Variants in SIGLEC1 observed in about 807,000 individuals in gnomAD.
SIGLEC1 encodes the protein sialic acid binding Ig like lectin 1, also known as sialoadhesin.
A neutral mutation model predicts 148.0 loss-of-function variants in SIGLEC1; 132 were observed. The observed-to-expected ratio is 0.89, with a 90% CI of 0.77 to 1.03. The LOEUF is 1.03. SIGLEC1 is among the 50% of genes least tolerant of loss of function. SIGLEC1 has a pLI of 0.00. For missense variants in SIGLEC1, 2,253 were observed against 2,271.4 expected (o/e 0.99, Z 0.16); for synonymous variants, 945 against 969.0 (o/e 0.98, Z 0.46).
At chr20:3,701,183 C>T (rs547668746) in intron 7 of SIGLEC1, among the ~76,000 whole-genome samples, 159 bp downstream of exon 7, 2 of 152,354 alleles carry the variant, frequency 1.3e-5, no homozygotes, top group South Asian at 2.1e-4. Context: ...TTCCAGGAAG[C>T]TCTGCCGTTG....
chr20:3,693,433 C>G lies in SIGLEC1; in HGVS notation c.3508+14G>C. On this transcript the variant is annotated intron_variant, in intron 14 of 21. Transcript: ENST00000344754. Reference sequence around the variant, plus strand: ...CATTCCTGTGAGTCCCACCCTGCATCCAGCCAGACTCACAGAGGACGTCCA... The same window carrying G: ...CATTCCTGTGAGTCCCACCCTGCATGCAGCCAGACTCACAGAGGACGTCCA... 1 of 1,551,864 alleles carries G rather than the reference C, an allele frequency of 6.4e-7. No individual in the cohort carries two copies. Among genetic ancestry groups the G allele is most frequent in the Non-Finnish European group, 8.7e-7 (1 of 1,145,676 alleles).
chr20:3,696,647 G>A lies in SIGLEC1; in HGVS notation c.2622C>T (p.Tyr874=). The A allele has an allele frequency of 6.2e-7, 1 of 1,613,826 alleles. No individual in the cohort carries two copies. The highest frequency in any genetic ancestry group is 8.5e-7 in the Non-Finnish European group (1 of 1,180,008). Residue 874 remains tyrosine, a synonymous_variant, in exon 11 of 22, where the codon TAC becomes TAT. Coordinates refer to ENST00000344754, the MANE Select transcript of SIGLEC1 (RefSeq NM_023068.4). The part of the protein sequence containing the change: ...RELGLGDSGS[Y]RCEATNVLGS... ...CAAGAACATTTGTGGCCTCACAGCGGTAGCTGCCAGAGTCCCCAAGGCCCA... is the reference window on the plus strand; with the variant it reads ...CAAGAACATTTGTGGCCTCACAGCGATAGCTGCCAGAGTCCCCAAGGCCCA...
At chr20:3,706,306 G>A in intron 3 of SIGLEC1, 41 bp downstream of exon 3, 4 of 1,571,004 alleles carry the variant, frequency 2.5e-6, no homozygotes, top group Middle Eastern at 3.4e-4. Flanking sequence ...AGCAGCTTGG[G>A]AATCCCTCCC....
chr20:3,703,690 G>T, intron 5 of SIGLEC1, 135 bp downstream of exon 5: 1 of 1,248,172 alleles, frequency 8.0e-7, no homozygotes, highest in South Asian at 1.5e-5. Flanking sequence ...GGCAGGGCTG[G>T]GACTCCACAC....
chr20:3,702,174 G>A (rs1194503661), intron 6 of SIGLEC1, among the ~76,000 whole-genome samples: 2 of 152,148 alleles, frequency 1.3e-5, no homozygotes, highest in Non-Finnish European at 2.9e-5. Context: ...ATGAAGAGAC[G>A]CAACGACCCA....
intron 2 of SIGLEC1, 38 bp downstream of exon 2, chr20:3,707,042 G>A (rs772756720): frequency 3.1e-6 from 5 of 1,600,584 alleles, no homozygotes; most frequent in African/African-American, 2.7e-5. Context: ...TATGAAGGCT[G>A]GACCCTGGAA....
At position 3,690,177 on chromosome 20, in the gene SIGLEC1, G is replaced by C. The variant is rs537459135; in HGVS notation, c.4679C>G (p.Pro1560Arg). 12 of 1,576,934 alleles carry C rather than the reference G, an allele frequency of 7.6e-6. 1 individual carries two copies. The South Asian group carries it at 1.4e-4, about 18-fold the overall frequency. ...GILDCRVDSEPLASLTLHLGS... is the reference protein window; with the variant it reads ...GILDCRVDSERLASLTLHLGS... The stretch of plus-strand genomic sequence containing the variant: ...AAGGTGGAGAGTCAGGCTGGCGAGC[G>C]GCTCGCTGTCCACTCGGCAATCCAG... Residue 1560 changes from proline to arginine, a missense_variant, in exon 19 of 22, where the codon CCG becomes CGG. Pro to Arg is a moderately radical substitution (Grantham distance 103). Coordinates refer to ENST00000344754, the MANE Select transcript of SIGLEC1 (RefSeq NM_023068.4).
chr20:3,692,690 G>T lies in SIGLEC1; in HGVS notation c.3861C>A (p.His1287Gln), dbSNP rs61734523. The T allele has an allele frequency of 5.0e-6, 8 of 1,613,052 alleles. No individual in the cohort carries two copies. Among genetic ancestry groups the T allele is most frequent in the African/African-American group, 4.0e-5 (3 of 75,066 alleles). Reference sequence around the variant, plus strand: ...GGTACCAAGTATAGAGTGTGGGTGCGTGGGCAGCAGGGTCCGCACAGGTCA... The same window carrying T: ...GGTACCAAGTATAGAGTGTGGGTGCTTGGGCAGCAGGGTCCGCACAGGTCA... ...ITVTCADPAA[H>Q]APTLYTWYHN... Residue 1287 changes from histidine (H) to glutamine (Q), a missense_variant, in exon 16 of 22, where the codon CAC becomes CAA. Transcript: ENST00000344754.
At position 3,697,335 on chromosome 20, in the gene SIGLEC1, G is replaced by A. The variant is rs769586972; in HGVS notation, c.2130C>T (p.Val710=). ...GTGTGTGTGATGGTGCAATGGCCAG[G>A]ACAGTGGCTGGAGAGCAGGCGGCAC... ...TSATFNGQAT[V]LAIAPSHTLQ... Residue 710 remains valine (V), a synonymous_variant, in exon 10 of 22, where the codon GTC becomes GTT. Transcript: ENST00000344754. 1.4e-5 allele frequency: 22 copies of A among 1,613,446 alleles called. No individual in the cohort carries two copies. The highest frequency in any genetic ancestry group is 1.7e-5 in the Admixed American group (1 of 59,994).
rs566628582 is a variant in SIGLEC1, at chr20:3,693,188, T to C, written c.3509-57A>G. 224 of 1,497,178 alleles carry C rather than the reference T, an allele frequency of 1.5e-4. No homozygotes were observed. In the East Asian group the frequency reaches 2.2e-3, roughly 15 times the overall value. The allele number at this position is 1,497,178 out of a possible 1,614,324, so 92.7% of individuals were successfully genotyped here. A position where few individuals can be genotyped will look rare whatever the true frequency, so the allele number is the denominator to read the frequency against. On this transcript the variant is annotated intron_variant, in intron 14 of 21. Coordinates refer to ENST00000344754, the MANE Select transcript of SIGLEC1 (RefSeq NM_023068.4). ...CAGGCAGCAGCCTGCAGGAGGCCAGTTTGCAGGTGGCATTCAAACTCAGGA... is the reference window on the plus strand; with the variant it reads ...CAGGCAGCAGCCTGCAGGAGGCCAGCTTGCAGGTGGCATTCAAACTCAGGA...
intron 8 of SIGLEC1, 26 bp from the exon 9 acceptor site, chr20:3,698,159 T>C: frequency 6.5e-7 from 1 of 1,541,528 alleles, no homozygotes; most frequent in South Asian, 1.2e-5. Context: ...ACATGGGCAC[T>C]CATCCCACGG....
chr20:3,708,194 A>C (rs2087909249), intron 1 of SIGLEC1, among the ~76,000 whole-genome samples: 1 of 152,148 alleles, frequency 6.6e-6, no homozygotes. Context: ...AGCGCTGTGG[A>C]ACACATACCC....
chr20:3,695,494 C>T (rs748637936), intron 11 of SIGLEC1, among the ~76,000 whole-genome samples: 7 of 152,068 alleles, frequency 4.6e-5, no homozygotes, highest in Non-Finnish European at 1.0e-4. Flanking sequence ...CCTCAGTGGC[C>T]CCTGGGTGTG....
rs1013647310 is a variant in SIGLEC1 at position 3,707,234 on chromosome 20, C to T, written c.-106G>A. Reference sequence around the variant, plus strand: ...ACCTCTGGGCACTTTAGCCCCAGCACCTGCTAGAAGTCCGAGCCTGTGTCC... The same window carrying T: ...ACCTCTGGGCACTTTAGCCCCAGCATCTGCTAGAAGTCCGAGCCTGTGTCC... On this transcript the variant is annotated 5_prime_UTR_variant, in exon 2 of 22. It adds an upstream start codon to the 5' untranslated region. Coordinates refer to ENST00000344754, the MANE Select transcript of SIGLEC1 (RefSeq NM_023068.4). 1.2e-5 allele frequency: 12 copies of T among 983,420 alleles called. No homozygotes were observed. The highest frequency in any genetic ancestry group is 1.9e-5 in the Non-Finnish European group (12 of 632,680). The allele number at this position is 983,420 out of a possible 1,614,324, so 60.9% of individuals were successfully genotyped here. A position where few individuals can be genotyped will look rare whatever the true frequency, so the allele number is the denominator to read the frequency against.
chr20:3,703,509 C>T, intron 5 of SIGLEC1, 58 bp from the exon 6 acceptor site: 4 of 1,531,096 alleles, frequency 2.6e-6, no homozygotes, highest in Non-Finnish European at 3.5e-6. Context: ...GCCCCAGCCC[C>T]ATACAGTCCC....
In SIGLEC1 at chr20:3,688,316, G is replaced by A. The variant is rs2088719137; in HGVS notation, c.*244C>T. 1 of 509,946 alleles carries A rather than the reference G, an allele frequency of 2.0e-6. No homozygotes were observed. The highest frequency in any genetic ancestry group is 1.9e-5 in the African/African-American group (1 of 51,346). 31.6% of individuals were successfully genotyped at this position (509,946 alleles called of 1,614,324 possible). On this transcript the variant is annotated 3_prime_UTR_variant, in exon 22 of 22. Coordinates refer to ENST00000344754, the MANE Select transcript of SIGLEC1 (RefSeq NM_023068.4). ...GAGAGAAGGGAGGAGATCCAGAGAA[G>A]AGAGAGCGAGATCAGCTCAGTGCTC... is the stretch of plus-strand genomic sequence containing the variant.
chr20:3,688,840 G>C, intron 21 of SIGLEC1: 1 of 597,812 alleles, frequency 1.7e-6, no homozygotes, highest in East Asian at 2.8e-5. Flanking sequence ...GGGCAGGCTT[G>C]GGAGTGGGGA....
chr20:3,692,477 C>T (rs893655500), intron 16 of SIGLEC1, 44 bp downstream of exon 16: 22 of 1,537,136 alleles, frequency 1.4e-5, no homozygotes, highest in Non-Finnish European at 1.9e-5. Flanking sequence ...GCACCCTCCA[C>T]CACCCTCCTC....
Position 3,706,537 on chromosome 20 carries a change from C to G in SIGLEC1, c.219G>C (p.Ser73=). 1 of 1,612,796 alleles carries G rather than the reference C, an allele frequency of 6.2e-7. No homozygotes were observed. Among genetic ancestry groups the G allele is most frequent in the South Asian group, 1.1e-5 (1 of 91,076 alleles). The change falls in exon 3 of 22, where the codon TCG becomes TCC. Residue 73 remains serine (S), a synonymous_variant. Transcript: ENST00000344754. The part of the protein sequence containing the change: ...YSGQRQVVSH[S]ADPKLVEARF... ...GGGCCTCCACCAGCTTGGGGTCCGC[C>G]GAGTGGCTCACCACCTGCCGCTGGC...
Sources: allele counts gnomAD v4.1 joint callset (sites outside exome capture counted in the v4.1 genomes callset), GRCh38; gene constraint gnomAD v4.1.1; transcripts MANE v1.5; gene names NCBI Gene and HGNC (gene_info 2026-07-23, HGNC 2026-07-21).